The following VPS41 variants were observed in gnomAD, a reference collection of about 807,000 sequenced individuals.
VPS41 encodes vacuolar protein sorting-associated protein 41 homolog.
VPS41 carries 85 observed loss-of-function variants against 130.9 expected under a neutral mutation model. The observed-to-expected ratio is 0.65, with a 90% CI of 0.55 to 0.78. VPS41 has a LOEUF of 0.78. VPS41 is among the 30% of genes least tolerant of loss of function. VPS41 has a pLI of 0.00. For synonymous variants in VPS41, 335 were observed against 332.9 expected (o/e 1.01, Z -0.07); for missense variants, 874 against 1,018.7 (o/e 0.86, Z 1.93).
intron 2 of VPS41, among the ~76,000 whole-genome samples, chr7:38,879,715 T>C (rs1386365779): frequency 1.3e-5 from 2 of 152,116 alleles, no homozygotes; most frequent in Non-Finnish European, 2.9e-5. Flanking sequence ...ACAGTAGGGT[T>C]CATGCTTGTA....
intron 4 of VPS41, among the ~76,000 whole-genome samples, chr7:38,837,524 G>A (rs1401302479): frequency 6.6e-6 from 1 of 152,112 alleles, no homozygotes; most frequent in Non-Finnish European, 1.5e-5. Context: ...GCTGATTTTT[G>A]ACCTGTATCC....
At chr7:38,906,170 T>A (rs1373390267) in intron 1 of VPS41, among the ~76,000 whole-genome samples, 1 of 152,176 alleles carries the variant, frequency 6.6e-6, no homozygotes, top group African/African-American at 2.4e-5. Flanking sequence ...TCATCAGATT[T>A]CAATGGCTTC....
intron 19 of VPS41, among the ~76,000 whole-genome samples, chr7:38,755,506 C>G (rs1398098510): frequency 6.6e-6 from 1 of 152,174 alleles, no homozygotes; most frequent in African/African-American, 2.4e-5. Flanking sequence ...GAAACACAAA[C>G]TAGACAGTTT....
Position 38,752,238 on chromosome 7 carries a change from CA to C in VPS41, c.1863del (p.Glu622AsnfsTer32). The C allele has an allele frequency of 6.2e-7, 1 of 1,613,972 alleles. No homozygotes were observed. The highest frequency in any genetic ancestry group is 8.5e-7 in the Non-Finnish European group (1 of 1,179,906). On this transcript the variant is annotated frameshift_variant, in exon 22 of 29. Transcript: ENST00000310301. LOFTEE classifies it high-confidence loss of function. ...RYHEKQISLY[A>X]EYDRPNLLPF... ...GGAAGTAAGTTTGGTCGATCATATT[CA>C]GCATAAAGACTGATCTGTTTTTCAT...
intron 4 of VPS41, among the ~76,000 whole-genome samples, chr7:38,839,468 G>A (rs1317975741): frequency 3.9e-5 from 6 of 152,132 alleles, no homozygotes; most frequent in African/African-American, 1.4e-4. Flanking sequence ...TGTCGCACAG[G>A]CTGGAGTGCA....
At chr7:38,832,319 C>CTTT (rs543207806) in intron 4 of VPS41, among the ~76,000 whole-genome samples, 2,142 of 114,696 alleles carry the variant, frequency 0.019, 73 homozygotes, top group Non-Finnish European at 0.03. Flanking sequence ...TTCTTTCTTT[C>CTTT]TTTTTTTTTT....
At chr7:38,863,143 G>A (rs1786157431) in intron 3 of VPS41, among the ~76,000 whole-genome samples, 2 of 152,170 alleles carry the variant, frequency 1.3e-5, no homozygotes. Flanking sequence ...GCTTTAGGAT[G>A]CTTCTATAAA....
chr7:38,810,442 G>T (rs947534792), intron 7 of VPS41, among the ~76,000 whole-genome samples: 2 of 151,928 alleles, frequency 1.3e-5, no homozygotes, highest in Non-Finnish European at 2.9e-5. Flanking sequence ...AATTTTTATA[G>T]GAATCAAAAA....
intron 5 of VPS41, among the ~76,000 whole-genome samples, chr7:38,828,937 T>A (rs1022494601): frequency 6.6e-6 from 1 of 152,208 alleles, no homozygotes; most frequent in African/African-American, 2.4e-5. Context: ...AAAATTCGTT[T>A]CCAATTTTTA....
chr7:38,816,972 C>A (rs117225157), intron 7 of VPS41, among the ~76,000 whole-genome samples: 1 of 152,160 alleles, frequency 6.6e-6, no homozygotes, highest in South Asian at 2.1e-4. Context: ...AAACTCCCAG[C>A]CTCAAGTGAT....
At chr7:38,744,661 A>G (rs1795951205) in intron 23 of VPS41, among the ~76,000 whole-genome samples, 2 of 152,208 alleles carry the variant, frequency 1.3e-5, no homozygotes, top group Admixed American at 6.5e-5. Flanking sequence ...TTGATGAGCT[A>G]CCTAAAATTG....
Position 38,758,500 on chromosome 7 carries a change from C to T in VPS41, c.1423-19G>A, listed in dbSNP as rs1160633834. 6.3e-7 allele frequency: 1 copy of T among 1,598,360 alleles called. No individual in the cohort carries two copies. Among genetic ancestry groups the T allele is most frequent in the Non-Finnish European group, 8.5e-7 (1 of 1,175,780 alleles). ...CAAAACCCTAACCAAAGGTGAAAAACAGAAAAAGAACACTCATTCAACAGA... is the reference window on the plus strand; with the variant it reads ...CAAAACCCTAACCAAAGGTGAAAAATAGAAAAAGAACACTCATTCAACAGA... On this transcript the variant is annotated intron_variant, in intron 17 of 28. Coordinates refer to ENST00000310301, the MANE Select transcript of VPS41 (RefSeq NM_014396.4).
intron 27 of VPS41, chr7:38,727,281 C>A: frequency 4.9e-6 from 1 of 202,874 alleles, no homozygotes; most frequent in South Asian, 1.5e-4. Context: ...CAATGCGCCC[C>A]TAACCCCTAT....
chr7:38,752,241 C>T lies in VPS41; in HGVS notation c.1861G>A (p.Ala621Thr), dbSNP rs1783689653. Reference sequence around the variant, plus strand: ...AGTAAGTTTGGTCGATCATATTCAGCATAAAGACTGATCTGTTTTTCATGG... The same window carrying T: ...AGTAAGTTTGGTCGATCATATTCAGTATAAAGACTGATCTGTTTTTCATGG... ...RYHEKQISLY[A>T]EYDRPNLLPF... Residue 621 changes from alanine to threonine, a missense_variant, in exon 22 of 29, where the codon GCT (alanine) becomes ACT (threonine). By Grantham distance (58) the Ala-to-Thr change is moderately conservative. Transcript: ENST00000310301. 1 of 1,613,982 alleles carries T rather than the reference C, an allele frequency of 6.2e-7. No individual in the cohort carries two copies. Among genetic ancestry groups the T allele is most frequent in the East Asian group, 2.2e-5 (1 of 44,878 alleles).
chr7:38,794,471 G>A (rs1384080468), intron 9 of VPS41, among the ~76,000 whole-genome samples: 2 of 152,134 alleles, frequency 1.3e-5, no homozygotes, highest in Admixed American at 6.5e-5. Flanking sequence ...AAATAGCCAC[G>A]TCCCCTTCAT....
intron 2 of VPS41, among the ~76,000 whole-genome samples, chr7:38,883,896 A>T (rs1163405813): frequency 1.3e-5 from 2 of 152,228 alleles, no homozygotes; most frequent in African/African-American, 4.8e-5. Flanking sequence ...TGCCTGAATG[A>T]TGCAATAATC....
intron 3 of VPS41, among the ~76,000 whole-genome samples, chr7:38,864,312 T>A (rs966331079): frequency 1.3e-5 from 2 of 152,352 alleles, no homozygotes; most frequent in South Asian, 4.1e-4. Flanking sequence ...CAAGTTTTAA[T>A]TCCTTCCCTT....
chr7:38,727,850 G>C (rs1219919742), intron 27 of VPS41, among the ~76,000 whole-genome samples: 1 of 152,152 alleles, frequency 6.6e-6, no homozygotes, highest in Admixed American at 6.5e-5. Flanking sequence ...TTTGAATTAT[G>C]CAAATTTCTT....
Position 38,795,540 on chromosome 7 carries a change from G to GC in VPS41, c.641dup (p.Asp216ArgfsTer35). 1.2e-6 allele frequency: 2 copies of GC among 1,613,644 alleles called. No individual in the cohort carries two copies. The highest frequency in any genetic ancestry group is 4.5e-5 in the East Asian group (2 of 44,870). On this transcript the variant is annotated frameshift_variant, in exon 9 of 29. Coordinates refer to ENST00000310301, the MANE Select transcript of VPS41 (RefSeq NM_014396.4). LOFTEE classifies it high-confidence loss of function. ...AGAGGCTGCAGGGATACATGTCTGG[G>GC]CGAAGACTTATATCATCCCGGGGCA...
Sources: gnomAD v4.1 joint callset for allele counts (sites outside exome capture counted in the v4.1 genomes callset) on GRCh38, gnomAD v4.1.1 for gene constraint, MANE v1.5 for transcripts, NCBI Gene and HGNC (gene_info 2026-07-23, HGNC 2026-07-21) for gene names.